CTNNA3: variants seen among roughly 807,000 people sequenced by gnomAD.
CTNNA3 encodes the protein catenin alpha-3.
In CTNNA3, 76 loss-of-function variants were observed where a neutral mutation model predicts 95.7. That is an observed-to-expected ratio of 0.79 (90% CI 0.66 to 0.96). The LOEUF (loss-of-function observed/expected upper bound fraction) is 0.96, where lower values mean the gene tolerates loss of function less well. Among genes scored for constraint, CTNNA3 ranks in the 40% least tolerant of loss-of-function variants. The pLI is 0.00. For synonymous variants in CTNNA3, 431 were observed against 374.4 expected (o/e 1.15, Z -1.74); for missense variants, 1,191 against 1,089.8 (o/e 1.09, Z -1.31).
chr10:67,194,279 C>G (rs903458693), intron 6 of CTNNA3, among the ~76,000 whole-genome samples: 1 of 151,968 alleles, frequency 6.6e-6, no homozygotes, highest in Non-Finnish European at 1.5e-5. Flanking sequence ...TTTATAGCAG[C>G]TTTATTCATA....
At chr10:66,734,837 T>C (rs532843642) in intron 9 of CTNNA3, among the ~76,000 whole-genome samples, 1 of 146,252 alleles carries the variant, frequency 6.8e-6, no homozygotes, top group African/African-American at 2.5e-5. Flanking sequence ...CACTCCAGCC[T>C]GGGCAACACT....
chr10:66,306,799 T>A (rs865985294), intron 12 of CTNNA3, among the ~76,000 whole-genome samples: 1 of 152,206 alleles, frequency 6.6e-6, no homozygotes, highest in African/African-American at 2.4e-5. Context: ...GGTTTTCGTA[T>A]GTCTGAAAGC....
chr10:66,599,255 T>C (rs956409024), intron 10 of CTNNA3, among the ~76,000 whole-genome samples: 1 of 151,996 alleles, frequency 6.6e-6, no homozygotes, highest in Admixed American at 6.6e-5. Flanking sequence ...TTATTGACAG[T>C]TGACAGTATA....
chr10:66,833,941 A>G (rs1842810101), intron 7 of CTNNA3, among the ~76,000 whole-genome samples: 2 of 152,202 alleles, frequency 1.3e-5, no homozygotes, highest in South Asian at 2.1e-4. Flanking sequence ...TGTCCCAGTA[A>G]GTAGGCCTTT....
intron 6 of CTNNA3, among the ~76,000 whole-genome samples, chr10:67,190,220 T>C (rs1357093490): frequency 6.6e-6 from 1 of 151,926 alleles, no homozygotes; most frequent in Non-Finnish European, 1.5e-5. Flanking sequence ...GTGAACAATG[T>C]GGGATGAATC....
At chr10:65,925,875 C>T (rs898995775) in intron 17 of CTNNA3, among the ~76,000 whole-genome samples, 1 of 151,960 alleles carries the variant, frequency 6.6e-6, no homozygotes, top group African/African-American at 2.4e-5. Context: ...ATTTTCCTCA[C>T]TTATCACTTC....
At chr10:67,431,601 G>A (rs113641103) in intron 5 of CTNNA3, among the ~76,000 whole-genome samples, 2,654 of 152,036 alleles carry the variant, frequency 0.017, 85 homozygotes, top group African/African-American at 0.059. Flanking sequence ...ACAAGAAGAT[G>A]CAGCCTGAAG....
intron 5 of CTNNA3, among the ~76,000 whole-genome samples, chr10:67,452,061 T>TGGAA (rs59544939): frequency 0.3 from 36,332 of 120,770 alleles, 5,322 homozygotes; most frequent in East Asian, 0.37. Flanking sequence ...GAGGGAGGAA[T>TGGAA]GGAAGGAAGG....
intron 7 of CTNNA3, among the ~76,000 whole-genome samples, chr10:67,005,636 G>A (rs1257662536): frequency 7.5e-6 from 1 of 134,112 alleles, no homozygotes; most frequent in Non-Finnish European, 1.6e-5. Context: ...ATCTCTAAAT[G>A]TAACAAGCAA....
chr10:66,069,481 C>T lies in CTNNA3; in HGVS notation c.1986G>A (p.Met662Ile), dbSNP rs1240027512. ...QTEGKTDRAKMTQLPEAEKEK... is the reference protein window; with the variant it reads ...QTEGKTDRAKITQLPEAEKEK... Reference sequence around the variant, plus strand: ...CTTTTTCTGCCTCAGGCAGTTGAGTCATCTTAGCCTAAAACATGTGATAAT... The same window carrying T: ...CTTTTTCTGCCTCAGGCAGTTGAGTTATCTTAGCCTAAAACATGTGATAAT... Residue 662 changes from methionine to isoleucine, a missense_variant, in exon 15 of 18, where the codon ATG (methionine) becomes ATA (isoleucine). By Grantham distance (10) the Met-to-Ile change is conservative. Coordinates refer to ENST00000433211, the MANE Select transcript of CTNNA3 (RefSeq NM_013266.4). 6.2e-7 allele frequency: 1 copy of T among 1,609,506 alleles called. No homozygotes were observed. The highest frequency in any genetic ancestry group is 8.5e-7 in the Non-Finnish European group (1 of 1,178,254).
At chr10:67,197,711 T>A (rs78177522) in intron 6 of CTNNA3, among the ~76,000 whole-genome samples, 8,153 of 152,196 alleles carry the variant, frequency 0.054, 322 homozygotes, top group Middle Eastern at 0.095. Context: ...GTTCTTGGTA[T>A]GAAAAGAGTT....
chr10:66,222,352 T>C (rs2088978563), intron 13 of CTNNA3, among the ~76,000 whole-genome samples: 1 of 152,186 alleles, frequency 6.6e-6, no homozygotes, highest in African/African-American at 2.4e-5. Context: ...CATGCAAATG[T>C]CTACACATTC....
intron 7 of CTNNA3, among the ~76,000 whole-genome samples, chr10:67,076,937 A>C (rs2131865588): frequency 6.6e-6 from 1 of 152,296 alleles, no homozygotes; most frequent in Middle Eastern, 3.4e-3. Flanking sequence ...CTATGTCAAA[A>C]TCTCCTCGTC....
At chr10:67,762,185 CAAA>C (rs55895053) in intron 1 of CTNNA3, among the ~76,000 whole-genome samples, 21 of 72,328 alleles carry the variant, frequency 2.9e-4, no homozygotes, top group South Asian at 1.0e-3. Context: ...ATAAATCAGC[CAAA>C]AAAAAAAAAA....
In CTNNA3 at chr10:67,114,709, G is replaced by GGTGTGTGTGTGTGT. The variant is rs56772381; in HGVS notation, c.1047+65594_1047+65607dup. Among the ~76,000 whole-genome samples the GGTGTGTGTGTGTGT allele has an allele frequency of 9.0e-3, 1,300 of 144,816 alleles. 12 individuals are homozygous for GGTGTGTGTGTGTGT. The highest frequency in any genetic ancestry group is 0.021 in the South Asian group (89 of 4,318). ...AATCACCATAGTGATGGTTCTTAAA[G>GGTGTGTGTGTGTGT]GTGTGTGTGTGTGTGTGTGTGTGTG... On this transcript the variant is annotated intron_variant, in intron 7 of 17. Coordinates refer to ENST00000433211, the MANE Select transcript of CTNNA3 (RefSeq NM_013266.4).
At chr10:67,186,520 A>G (rs1862856439) in intron 6 of CTNNA3, among the ~76,000 whole-genome samples, 1 of 152,220 alleles carries the variant, frequency 6.6e-6, no homozygotes, top group South Asian at 2.1e-4. Context: ...CTGTCCTACT[A>G]TTCCAACCTA....
intron 7 of CTNNA3, among the ~76,000 whole-genome samples, chr10:67,034,460 T>C (rs1313442360): frequency 6.6e-6 from 1 of 152,210 alleles, no homozygotes; most frequent in Non-Finnish European, 1.5e-5. Context: ...CATCTTCTAG[T>C]GTCCAGTGCC....
chr10:67,560,987 G>C (rs1044131912), intron 3 of CTNNA3, among the ~76,000 whole-genome samples: 11 of 151,620 alleles, frequency 7.3e-5, no homozygotes, highest in African/African-American at 2.7e-4. Context: ...GATTAATAAA[G>C]CAAGTCCTTA....
chr10:67,637,795 T>A (rs991117949), intron 2 of CTNNA3, among the ~76,000 whole-genome samples: 11 of 152,148 alleles, frequency 7.2e-5, no homozygotes, highest in African/African-American at 2.7e-4. Flanking sequence ...AATAAAACAC[T>A]TTACAGACAA....
Sources: allele counts gnomAD v4.1 joint callset (sites outside exome capture counted in the v4.1 genomes callset), GRCh38; gene constraint gnomAD v4.1.1; transcripts MANE v1.5; gene names NCBI Gene and HGNC (gene_info 2026-07-23, HGNC 2026-07-21).